RGS6: variants seen among roughly 807,000 people sequenced by gnomAD.
RGS6 encodes regulator of G-protein signaling 6.
In RGS6, 30 loss-of-function variants were observed where a neutral mutation model predicts 78.5. The observed-to-expected ratio is 0.38, with a 90% CI of 0.29 to 0.52. RGS6 has a LOEUF of 0.52. Ranked by LOEUF, RGS6 falls within the 20% of genes least tolerant of loss-of-function variation. The pLI is 0.85. For synonymous variants in RGS6, 206 were observed against 206.0 expected (o/e 1.00, Z 0.00); for missense variants, 495 against 609.7 (o/e 0.81, Z 1.98).
At chr14:72,261,723 A>AT (rs1487071423) in intron 2 of RGS6, among the ~76,000 whole-genome samples, 1 of 152,200 alleles carries the variant, frequency 6.6e-6, no homozygotes, top group African/African-American at 2.4e-5. Context: ...TCTTCTGTGT[A>AT]TTATAACCAT....
In RGS6 at chr14:72,106,283, T is replaced by A. The variant is rs1295542235; in HGVS notation, c.84+141408T>A. 2.0e-5 allele frequency among the ~76,000 whole-genome samples: 3 copies of A among 152,152 alleles called. No homozygotes were observed. The South Asian group carries it at 6.2e-4, about 32-fold the overall frequency. ...AATAAGCATAGTTTAATGCAAAGATTCCCAAAATATGGTCTCCAGATCAGC... is the reference window on the plus strand; with the variant it reads ...AATAAGCATAGTTTAATGCAAAGATACCCAAAATATGGTCTCCAGATCAGC... On this transcript the variant is annotated intron_variant, in intron 2 of 17. Transcript: ENST00000553525.
intron 2 of RGS6, among the ~76,000 whole-genome samples, chr14:72,306,714 A>G (rs1028420356): frequency 6.6e-6 from 1 of 152,228 alleles, no homozygotes; most frequent in African/African-American, 2.4e-5. Context: ...ATGTGACTGA[A>G]CTGCTGTGAT....
intron 17 of RGS6, among the ~76,000 whole-genome samples, chr14:72,541,877 C>T (rs919130419): frequency 1.3e-5 from 2 of 152,160 alleles, no homozygotes; most frequent in Admixed American, 6.5e-5. Context: ...AATGGTCTCG[C>T]GAAGCTCTGT....
chr14:72,331,684 G>T (rs1425881960), intron 2 of RGS6, among the ~76,000 whole-genome samples: 1 of 152,046 alleles, frequency 6.6e-6, no homozygotes, highest in Non-Finnish European at 1.5e-5. Context: ...ACTGCCTCCA[G>T]GCACTTTCTT....
intron 3 of RGS6, among the ~76,000 whole-genome samples, chr14:72,391,844 C>T (rs1336802493): frequency 6.6e-6 from 1 of 152,098 alleles, no homozygotes; most frequent in Non-Finnish European, 1.5e-5. Context: ...TGAGAACATG[C>T]GGTGTTTCGT....
chr14:71,967,895 T>C (rs1338012791), intron 2 of RGS6, among the ~76,000 whole-genome samples: 1 of 152,208 alleles, frequency 6.6e-6, no homozygotes, highest in African/African-American at 2.4e-5. Context: ...GCCCACACTT[T>C]TCAGAACACT....
rs1596388245 is a variant in RGS6, at chr14:72,373,558, G to A, written c.184+21364G>A. ...GCATGAATTTTAAAAGCCTATATGA[G>A]TATCAAGTAAAAAAATTGAGTAGGG... On this transcript the variant is annotated intron_variant, in intron 3 of 17. Transcript: ENST00000553525. Among the ~76,000 whole-genome samples, 4 of 152,158 alleles carry A rather than the reference G, an allele frequency of 2.6e-5. 1 individual carries two copies. In the South Asian group the frequency reaches 8.3e-4, roughly 32 times the overall value.
chr14:72,476,838 C>G lies in RGS6; in HGVS notation c.790C>G (p.Gln264Glu), dbSNP rs1384250631. The G allele has an allele frequency of 6.2e-7, 1 of 1,613,682 alleles. No individual in the cohort carries two copies. ...AACAACAAAAGAGGACATCCGGAAA[C>G]AGGTGAATGAATTGACAGCTTGCAC... Reference protein sequence around the residue: ...RKTTKEDIRKQITFLNAQIDR... With the variant: ...RKTTKEDIRKEITFLNAQIDR... The change falls in exon 11 of 18, where the codon CAG (glutamine) becomes GAG (glutamate). Residue 264 changes from glutamine to glutamate, a missense_variant and splice_region_variant. By Grantham distance (29) the Gln-to-Glu change is conservative (BLOSUM62 2). Transcript: ENST00000553525.
intron 3 of RGS6, among the ~76,000 whole-genome samples, chr14:72,446,084 C>A (rs2095356093): frequency 6.6e-6 from 1 of 152,138 alleles, no homozygotes; most frequent in African/African-American, 2.4e-5. Context: ...CATAAGGAGA[C>A]CCTGTCTCTA....
At chr14:72,240,346 C>T (rs2052455068) in intron 2 of RGS6, among the ~76,000 whole-genome samples, 1 of 152,056 alleles carries the variant, frequency 6.6e-6, no homozygotes, top group Non-Finnish European at 1.5e-5. Flanking sequence ...TTTTTAAATG[C>T]AAGTCTGATG....
the RGS6 span, among the ~76,000 whole-genome samples, chr14:72,601,162 C>T: frequency 1.3e-5 from 2 of 152,200 alleles, no homozygotes; most frequent in South Asian, 2.1e-4. Context: ...CATCCTAACC[C>T]GAAAGGGGGC....
At position 72,338,043 on chromosome 14, in the gene RGS6, C is replaced by A. The variant is rs142910780; in HGVS notation, c.85-14052C>A. 7.6e-3 allele frequency among the ~76,000 whole-genome samples: 1,163 copies of A among 152,306 alleles called. 19 individuals carry two copies. Among genetic ancestry groups the A allele is most frequent in the African/African-American group, 0.026 (1,071 of 41,560 alleles). On this transcript the variant is annotated intron_variant, in intron 2 of 17. Transcript: ENST00000553525. ...AAGTTTAAAAACACCTTTGCCTGAG[C>A]CTGCATAGCTTATTTTTTCTCCAGG... is the stretch of plus-strand genomic sequence containing the variant.
intron 1 of RGS6, among the ~76,000 whole-genome samples, chr14:71,956,765 A>G (rs999009669): frequency 1.3e-5 from 2 of 152,168 alleles, no homozygotes; most frequent in African/African-American, 2.4e-5. Context: ...GCATCCTTCA[A>G]TCTAATCAAG....
At chr14:72,186,485 C>T (rs2097249693) in intron 2 of RGS6, among the ~76,000 whole-genome samples, 1 of 152,190 alleles carries the variant, frequency 6.6e-6, no homozygotes, top group Admixed American at 6.5e-5. Flanking sequence ...TTCTGCTAAG[C>T]ATCTACTTCC....
intron 10 of RGS6, 71 bp downstream of exon 10, chr14:72,474,770 G>A (rs923536309): frequency 8.1e-7 from 1 of 1,229,362 alleles, no homozygotes; most frequent in Middle Eastern, 2.2e-4. Context: ...TATTCAAATA[G>A]TAATTTGCTA....
rs548912886 is a variant in RGS6 at position 72,319,783 on chromosome 14, G to T, written c.85-32312G>T. ...ACAAAACGGAAACAACAGCTTAAAA[G>T]TATTAGAAAGAAAATAGTATATTTG... is the stretch of plus-strand genomic sequence containing the variant. On this transcript the variant is annotated intron_variant, in intron 2 of 17. Transcript: ENST00000553525. 3.3e-5 allele frequency among the ~76,000 whole-genome samples: 5 copies of T among 152,272 alleles called. No homozygotes were observed. The South Asian group carries it at 1.0e-3, about 32-fold the overall frequency.
At chr14:72,364,906 C>T (rs1339226851) in intron 3 of RGS6, among the ~76,000 whole-genome samples, 1 of 152,184 alleles carries the variant, frequency 6.6e-6, no homozygotes, top group African/African-American at 2.4e-5. Flanking sequence ...TGGGAAGCTG[C>T]TTGTCACCAC....
At chr14:71,872,206 A>C in the RGS6 span, among the ~76,000 whole-genome samples, 16 of 152,208 alleles carry the variant, frequency 1.1e-4, no homozygotes, top group African/African-American at 3.9e-4. Context: ...AAGCTGAAAA[A>C]TGAGCAGTTT....
At chr14:72,119,178 G>A (rs1029519948) in intron 2 of RGS6, among the ~76,000 whole-genome samples, 1 of 152,164 alleles carries the variant, frequency 6.6e-6, no homozygotes, top group East Asian at 1.9e-4. Context: ...GGAAGGGAAG[G>A]AATAACATCT....
Sources: allele counts gnomAD v4.1 joint callset (sites outside exome capture counted in the v4.1 genomes callset), GRCh38; gene constraint gnomAD v4.1.1; transcripts MANE v1.5; gene names NCBI Gene and HGNC (gene_info 2026-07-23, HGNC 2026-07-21).